The following INPP4B variants were observed in gnomAD, a reference collection of about 807,000 sequenced individuals.
INPP4B encodes inositol polyphosphate 4-phosphatase type II.
A neutral mutation model predicts 122.5 loss-of-function variants in INPP4B; 55 were observed. The observed-to-expected ratio is 0.45, with a 90% CI of 0.36 to 0.56. The LOEUF (loss-of-function observed/expected upper bound fraction) is 0.56, where lower values mean the gene tolerates loss of function less well. Among genes scored for constraint, INPP4B ranks in the 20% least tolerant of loss-of-function variants. The probability of loss-of-function intolerance (pLI) is 0.00; values close to 1 mark genes in which losing one functional copy is unlikely to be tolerated. For missense variants in INPP4B, 1,000 were observed against 1,097.7 expected (o/e 0.91, Z 1.26); for synonymous variants, 403 against 388.7 (o/e 1.04, Z -0.43).
chr4:142,267,013 T>A (rs1743143826), intron 10 of INPP4B, among the ~76,000 whole-genome samples: 1 of 152,124 alleles, frequency 6.6e-6, no homozygotes, highest in South Asian at 2.1e-4. Context: ...ATTTGGAAGA[T>A]CTGTGTACTG....
chr4:142,747,008 C>T (rs1768857112), intron 1 of INPP4B, among the ~76,000 whole-genome samples: 1 of 151,956 alleles, frequency 6.6e-6, no homozygotes, highest in Admixed American at 6.6e-5. Context: ...CAACAAAAGC[C>T]AAAATTGAAA....
At chr4:142,736,855 G>C (rs1766996757) in intron 1 of INPP4B, among the ~76,000 whole-genome samples, 1 of 152,160 alleles carries the variant, frequency 6.6e-6, no homozygotes, top group South Asian at 2.1e-4. Context: ...ACTGGTGAGA[G>C]AGGGCACCCC....
chr4:142,519,475 T>C lies in INPP4B; in HGVS notation c.-190-56749A>G, dbSNP rs139372833. Among the ~76,000 whole-genome samples, 707 of 152,300 alleles carry C rather than the reference T, an allele frequency of 4.6e-3. 7 individuals are homozygous for C. Among genetic ancestry groups the C allele is most frequent in the African/African-American group, 0.016 (679 of 41,576 alleles). ...TGTCTTGTCATTGACTTCTGCTAAC[T>C]GGCAGAATTGAGTTGTTTCATACTA... On this transcript the variant is annotated intron_variant, in intron 2 of 25. Coordinates refer to ENST00000262992, the MANE Select transcript of INPP4B (RefSeq NM_001101669.3).
chr4:142,427,723 T>C (rs1808415263), intron 5 of INPP4B, among the ~76,000 whole-genome samples: 1 of 152,030 alleles, frequency 6.6e-6, no homozygotes, highest in South Asian at 2.1e-4. Context: ...TATTTGTGCT[T>C]GGAAATATAT....
At chr4:142,164,431 C>A (rs190082370) in intron 16 of INPP4B, among the ~76,000 whole-genome samples, 5 of 151,870 alleles carry the variant, frequency 3.3e-5, no homozygotes, top group East Asian at 1.9e-4. Flanking sequence ...ATCTATGCAG[C>A]AAGAATCCTG....
chr4:142,266,849 A>G (rs1743067876), intron 10 of INPP4B, among the ~76,000 whole-genome samples: 1 of 152,218 alleles, frequency 6.6e-6, no homozygotes, highest in African/African-American at 2.4e-5. Flanking sequence ...AAAATCAGTT[A>G]AAACTGATAA....
chr4:142,393,620 ACT>A lies in INPP4B; in HGVS notation c.372+9316_372+9317del, dbSNP rs534488362. On this transcript the variant is annotated intron_variant, in intron 7 of 25. Coordinates refer to ENST00000262992, the MANE Select transcript of INPP4B (RefSeq NM_001101669.3). Reference sequence around the variant, plus strand: ...GCAAACTAAATACGGCCTGAGAAGAACTCTGTCCTATATTTGCGTCCTTGTGG... The same window carrying A: ...GCAAACTAAATACGGCCTGAGAAGAACTGTCCTATATTTGCGTCCTTGTGG... Among the ~76,000 whole-genome samples the A allele has an allele frequency of 7.9e-5, 12 of 152,258 alleles. No homozygotes were observed. In the East Asian group the frequency reaches 2.3e-3, roughly 29 times the overall value.
At chr4:142,347,634 A>G (rs1780689192) in intron 7 of INPP4B, 2 of 346,050 alleles carry the variant, frequency 5.8e-6, no homozygotes, top group African/African-American at 4.4e-5. Flanking sequence ...ATTTCAATAA[A>G]AATAGTTTAA....
intron 15 of INPP4B, among the ~76,000 whole-genome samples, chr4:142,182,515 T>C (rs939876446): frequency 4.2e-5 from 5 of 117,790 alleles, no homozygotes; most frequent in Non-Finnish European, 8.0e-5. Flanking sequence ...GCCGCTGCAC[T>C]CCAGCCTGGT....
intron 25 of INPP4B, among the ~76,000 whole-genome samples, chr4:142,076,560 C>G (rs1166520219): frequency 6.6e-6 from 1 of 152,028 alleles, no homozygotes; most frequent in Non-Finnish European, 1.5e-5. Flanking sequence ...AAACACACCA[C>G]TGAAACTCTC....
chr4:142,685,199 C>G (rs1759172012), intron 2 of INPP4B, among the ~76,000 whole-genome samples: 1 of 152,022 alleles, frequency 6.6e-6, no homozygotes, highest in Admixed American at 6.6e-5. Context: ...TAAGCAGAAG[C>G]TGACTTCTGC....
chr4:142,244,503 C>T (rs571353897), intron 11 of INPP4B, among the ~76,000 whole-genome samples: 49 of 151,830 alleles, frequency 3.2e-4, no homozygotes, highest in Non-Finnish European at 6.8e-4. Flanking sequence ...CAGGGTTTCA[C>T]TGTGTTAGCC....
At chr4:142,123,593 G>A (rs1797482451) in intron 19 of INPP4B, among the ~76,000 whole-genome samples, 178 bp from the exon 20 acceptor site, 1 of 152,148 alleles carries the variant, frequency 6.6e-6, no homozygotes, top group South Asian at 2.1e-4. Flanking sequence ...GAATTGCTGT[G>A]TATAAAAGTC....
At chr4:142,806,906 G>A (rs1005173594) in intron 1 of INPP4B, among the ~76,000 whole-genome samples, 8 of 152,104 alleles carry the variant, frequency 5.3e-5, no homozygotes, top group African/African-American at 1.9e-4. Context: ...CAAACATGAA[G>A]TCTCCCTAGA....
chr4:142,411,944 A>G lies in INPP4B; in HGVS notation c.137-6620T>C, dbSNP rs1005231456. Among the ~76,000 whole-genome samples the G allele has an allele frequency of 5.3e-5, 8 of 152,046 alleles. No homozygotes were observed. The South Asian group carries it at 1.7e-3, about 32-fold the overall frequency. On this transcript the variant is annotated intron_variant, in intron 5 of 25. Coordinates refer to ENST00000262992, the MANE Select transcript of INPP4B (RefSeq NM_001101669.3). ...TTAGGGAAATACCATTTGGCTTCCCACCTCCCTCAATAGCACCATTCTTAT... is the reference window on the plus strand; with the variant it reads ...TTAGGGAAATACCATTTGGCTTCCCGCCTCCCTCAATAGCACCATTCTTAT...
At chr4:142,173,890 AC>A in intron 15 of INPP4B, 81 bp from the exon 16 acceptor site, 2 of 1,070,848 alleles carry the variant, frequency 1.9e-6, no homozygotes, top group East Asian at 4.8e-5. Context: ...CAAATGATAA[AC>A]AGAACTCCAA....
At chr4:142,162,050 A>G (rs1820424615) in intron 16 of INPP4B, among the ~76,000 whole-genome samples, 1 of 151,848 alleles carries the variant, frequency 6.6e-6, no homozygotes, top group South Asian at 2.1e-4. Context: ...ACCAGTTTTC[A>G]TAATTAAGTG....
chr4:142,046,806 C>T (rs1367788146), intron 25 of INPP4B, among the ~76,000 whole-genome samples: 1 of 152,004 alleles, frequency 6.6e-6, no homozygotes, highest in Non-Finnish European at 1.5e-5. Flanking sequence ...TAAGTGACTA[C>T]TGCAGTGGTC....
intron 11 of INPP4B, among the ~76,000 whole-genome samples, chr4:142,246,770 T>A (rs954463182): frequency 2.6e-5 from 4 of 152,192 alleles, no homozygotes; most frequent in African/African-American, 9.7e-5. Flanking sequence ...CCTCTCTTCC[T>A]ATCTGAATAC....
Sources: gnomAD v4.1 joint callset for allele counts (sites outside exome capture counted in the v4.1 genomes callset) on GRCh38, gnomAD v4.1.1 for gene constraint, MANE v1.5 for transcripts, NCBI Gene and HGNC (gene_info 2026-07-23, HGNC 2026-07-21) for gene names.